Variants in MGMT observed in about 807,000 individuals in gnomAD.
The protein encoded by MGMT is O-6-methylguanine-DNA methyltransferase.
A neutral mutation model predicts 15.9 loss-of-function variants in MGMT; 14 were observed. The observed-to-expected ratio is 0.88, with a 90% CI of 0.58 to 1.37. The LOEUF is 1.37. Among genes scored for constraint, MGMT ranks in the 40% most tolerant of loss-of-function variants. MGMT has a pLI of 0.00. For missense variants in MGMT, 282 were observed against 268.1 expected (o/e 1.05, Z -0.36); for synonymous variants, 130 against 118.2 (o/e 1.10, Z -0.65).
chr10:129,488,822 C>T (rs1226978279), intron 1 of MGMT, among the ~76,000 whole-genome samples: 3 of 152,154 alleles, frequency 2.0e-5, no homozygotes, highest in Non-Finnish European at 4.4e-5. Context: ...CCCCACCTTT[C>T]TCCAGGGCTC....
intron 2 of MGMT, among the ~76,000 whole-genome samples, chr10:129,620,699 C>G (rs774596475): frequency 9.2e-5 from 14 of 152,022 alleles, no homozygotes; most frequent in Non-Finnish European, 2.1e-4. Context: ...TGCTTTTGAT[C>G]TATTTCTTTA....
chr10:129,692,713 A>AGT (rs1479436454), intron 2 of MGMT, among the ~76,000 whole-genome samples: 1 of 152,132 alleles, frequency 6.6e-6, no homozygotes, highest in Non-Finnish European at 1.5e-5. Flanking sequence ...GCAGGGTTGC[A>AGT]GTGGAAGGAA....
At chr10:129,575,793 C>T (rs1334315659) in intron 2 of MGMT, among the ~76,000 whole-genome samples, 3 of 148,900 alleles carry the variant, frequency 2.0e-5, no homozygotes, top group Non-Finnish European at 4.5e-5. Context: ...GCTAGCAAGA[C>T]TAATAAAGAA....
At chr10:129,729,397 C>T (rs1433843398) in intron 3 of MGMT, among the ~76,000 whole-genome samples, 1 of 152,166 alleles carries the variant, frequency 6.6e-6, no homozygotes, top group East Asian at 1.9e-4. Flanking sequence ...CTCCCTGTCC[C>T]ACTCCCCTGC....
intron 3 of MGMT, among the ~76,000 whole-genome samples, chr10:129,758,760 T>C (rs1227578642): frequency 1.3e-5 from 2 of 152,176 alleles, no homozygotes; most frequent in African/African-American, 4.8e-5. Context: ...TATCGCAGCC[T>C]GGCCTGTGGC....
chr10:129,474,649 C>T (rs1845269719), intron 1 of MGMT, among the ~76,000 whole-genome samples: 1 of 152,200 alleles, frequency 6.6e-6, no homozygotes, highest in African/African-American at 2.4e-5. Flanking sequence ...ATTGCTCCCA[C>T]CCCAGCCTGT....
intron 2 of MGMT, among the ~76,000 whole-genome samples, chr10:129,629,260 G>T (rs1179223917): frequency 6.6e-6 from 1 of 152,162 alleles, no homozygotes; most frequent in African/African-American, 2.4e-5. Flanking sequence ...TAAACCCTTA[G>T]TACTGCATGA....
At chr10:129,722,514 A>G (rs1848383432) in intron 3 of MGMT, among the ~76,000 whole-genome samples, 2 of 152,226 alleles carry the variant, frequency 1.3e-5, no homozygotes. Flanking sequence ...AGAGCCTAGA[A>G]TATTTAAAAC....
intron 2 of MGMT, among the ~76,000 whole-genome samples, chr10:129,591,420 T>A (rs1846684307): frequency 6.6e-6 from 1 of 152,144 alleles, no homozygotes; most frequent in African/African-American, 2.4e-5. Flanking sequence ...GCATTCTGGC[T>A]CAGAGATTCT....
intron 2 of MGMT, among the ~76,000 whole-genome samples, chr10:129,624,664 G>A (rs1225694003): frequency 6.6e-6 from 1 of 152,196 alleles, no homozygotes; most frequent in Non-Finnish European, 1.5e-5. Context: ...GGTGAGGCAA[G>A]CAGGACATAA....
intron 2 of MGMT, among the ~76,000 whole-genome samples, chr10:129,671,023 T>C (rs1431818883): frequency 6.6e-6 from 1 of 152,206 alleles, no homozygotes; most frequent in East Asian, 1.9e-4. Context: ...ATAATCCTCC[T>C]TCTGCCTGAA....
chr10:129,519,377 A>G (rs1016515863), intron 1 of MGMT, among the ~76,000 whole-genome samples: 2 of 152,238 alleles, frequency 1.3e-5, no homozygotes, highest in Non-Finnish European at 2.9e-5. Flanking sequence ...CAAGTTATCA[A>G]GCCACTGATA....
intron 2 of MGMT, among the ~76,000 whole-genome samples, chr10:129,641,223 T>C (rs1329837318): frequency 5.3e-5 from 8 of 152,194 alleles, no homozygotes; most frequent in Admixed American, 5.2e-4. Flanking sequence ...CCATTTATAA[T>C]AGATGAAAAT....
chr10:129,747,363 T>C (rs1848706255), intron 3 of MGMT, among the ~76,000 whole-genome samples: 1 of 152,194 alleles, frequency 6.6e-6, no homozygotes, highest in South Asian at 2.1e-4. Flanking sequence ...GGATGTTACC[T>C]TCTGTTCTTA....
At chr10:129,588,006 T>G (rs949043949) in intron 2 of MGMT, among the ~76,000 whole-genome samples, 1 of 152,184 alleles carries the variant, frequency 6.6e-6, no homozygotes, top group African/African-American at 2.4e-5. Context: ...TACGTGGAAA[T>G]AGTTTGAATC....
chr10:129,627,642 G>A (rs1047770690), intron 2 of MGMT, among the ~76,000 whole-genome samples: 1 of 152,166 alleles, frequency 6.6e-6, no homozygotes, highest in East Asian at 1.9e-4. Flanking sequence ...TCATCCGGAA[G>A]CGGCCTCTAA....
intron 2 of MGMT, among the ~76,000 whole-genome samples, chr10:129,564,659 C>G (rs72838503): frequency 0.06 from 2,907 of 48,828 alleles, 8 homozygotes; most frequent in East Asian, 0.16. Context: ...ACCCTCCTCT[C>G]CTTCCTCCCC....
intron 2 of MGMT, among the ~76,000 whole-genome samples, chr10:129,611,134 A>G (rs1156875619): frequency 4.6e-5 from 7 of 152,182 alleles, no homozygotes; most frequent in African/African-American, 1.7e-4. Context: ...CAGATGCAGA[A>G]TTGTGTGCAG....
chr10:129,625,833 A>G (rs1847141958), intron 2 of MGMT, among the ~76,000 whole-genome samples: 1 of 152,170 alleles, frequency 6.6e-6, no homozygotes, highest in Non-Finnish European at 1.5e-5. Context: ...TGTTTTCAGG[A>G]GTTTTCAAGT....
Sources: allele counts gnomAD v4.1 joint callset (sites outside exome capture counted in the v4.1 genomes callset), GRCh38; gene constraint gnomAD v4.1.1; transcripts MANE v1.5; gene names NCBI Gene and HGNC (gene_info 2026-07-23, HGNC 2026-07-21).